The following KIF26B variants were observed in gnomAD, a reference collection of about 807,000 sequenced individuals.
KIF26B encodes kinesin family member 26B, also known as kinesin-like protein KIF26B.
In KIF26B, 63 loss-of-function variants were observed where a neutral mutation model predicts 151.2. The ratio of observed to expected loss-of-function variants is 0.42; its 90% CI spans 0.34 to 0.51. The LOEUF (loss-of-function observed/expected upper bound fraction) is 0.51. Among genes scored for constraint, KIF26B ranks in the 20% least tolerant of loss-of-function variants. The pLI is 0.07. For missense variants in KIF26B, 2,813 were observed against 2,913.6 expected (o/e 0.97, Z 0.79); for synonymous variants, 1,357 against 1,262.1 (o/e 1.08, Z -1.59).
intron 3 of KIF26B, among the ~76,000 whole-genome samples, chr1:245,381,446 C>A (rs151328750): frequency 2.3e-4 from 35 of 152,270 alleles, no homozygotes; most frequent in African/African-American, 8.2e-4. Context: ...CAGCCCAACA[C>A]GAGTTCGTAA....
intron 2 of KIF26B, among the ~76,000 whole-genome samples, chr1:245,179,412 T>G (rs1399828624): frequency 6.6e-6 from 1 of 152,060 alleles, no homozygotes; most frequent in Non-Finnish European, 1.5e-5. Flanking sequence ...TCACCTGAGG[T>G]CAGGAGTTTG....
chr1:245,424,031 A>T (rs949654556), intron 4 of KIF26B, among the ~76,000 whole-genome samples: 14 of 152,096 alleles, frequency 9.2e-5, no homozygotes, highest in African/African-American at 3.1e-4. Flanking sequence ...TGAAGAGATG[A>T]GTCTCCCTAT....
chr1:245,208,644 C>T (rs552080189), intron 2 of KIF26B, among the ~76,000 whole-genome samples: 1 of 152,312 alleles, frequency 6.6e-6, no homozygotes, highest in Admixed American at 6.5e-5. Context: ...TTTGCCTTTC[C>T]TTTGCTTCTT....
chr1:245,687,340 G>A lies in KIF26B; in HGVS notation c.4357G>A (p.Ala1453Thr). The A allele has an allele frequency of 6.3e-7, 1 of 1,596,794 alleles. No homozygotes were observed. The highest frequency in any genetic ancestry group is 8.5e-7 in the Non-Finnish European group (1 of 1,172,224). ...AGAAGAGGAAGTGAAAAAAGAGACG[G>A]CTCATCCCAATGAAGAAGGGATGAT... is the stretch of plus-strand genomic sequence containing the variant. ...KREEEVKKETAHPNEEGMMRC... is the reference protein window; with the variant it reads ...KREEEVKKETTHPNEEGMMRC... Residue 1453 changes from alanine (A) to threonine (T), a missense_variant, in exon 12 of 15, where the codon GCT becomes ACT. By Grantham distance (58) the Ala-to-Thr change is moderately conservative. Around this residue, in one of 3 missense-constraint regions of KIF26B, gnomAD observed 2,060 missense variants for 2,088.6 expected, o/e 0.99. Coordinates refer to ENST00000407071, the MANE Select transcript of KIF26B (RefSeq NM_018012.4). The surrounding 1 kb of genome is among the most constrained non-coding windows in gnomAD (Gnocchi z 4.9).
At chr1:245,388,731 A>C (rs1203762361) in intron 3 of KIF26B, among the ~76,000 whole-genome samples, 2 of 152,028 alleles carry the variant, frequency 1.3e-5, no homozygotes, top group Admixed American at 1.3e-4. Flanking sequence ...TGACCCTTAC[A>C]CTCAATTTGT....
chr1:245,400,996 G>T (rs1405326197), intron 3 of KIF26B, among the ~76,000 whole-genome samples: 1 of 151,934 alleles, frequency 6.6e-6, no homozygotes, highest in Non-Finnish European at 1.5e-5. Context: ...TTTTTTTCTT[G>T]ATTAGGTTTG....
intron 2 of KIF26B, among the ~76,000 whole-genome samples, chr1:245,326,078 C>G (rs1671985769): frequency 1.3e-5 from 2 of 152,156 alleles, no homozygotes; most frequent in African/African-American, 2.4e-5. Context: ...GCAATCATGT[C>G]ACAGTCAAGA....
chr1:245,391,924 C>T (rs1227780643), intron 3 of KIF26B, among the ~76,000 whole-genome samples: 1 of 151,814 alleles, frequency 6.6e-6, no homozygotes, highest in African/African-American at 2.4e-5. Flanking sequence ...GATCAGGAGA[C>T]CCTGGGAAAG....
chr1:245,446,511 C>T (rs1659253777), intron 4 of KIF26B, among the ~76,000 whole-genome samples: 1 of 152,134 alleles, frequency 6.6e-6, no homozygotes, highest in Non-Finnish European at 1.5e-5. Context: ...GACTGCTCTA[C>T]AATAGGCTCA....
chr1:245,665,486 C>G (rs916376651), intron 10 of KIF26B, among the ~76,000 whole-genome samples: 8 of 152,198 alleles, frequency 5.3e-5, no homozygotes, highest in African/African-American at 1.7e-4. Context: ...GAACCGCACA[C>G]TCTACTGATG....
chr1:245,390,832 T>A (rs1219565830), intron 3 of KIF26B, among the ~76,000 whole-genome samples: 1 of 146,212 alleles, frequency 6.8e-6, no homozygotes, highest in Non-Finnish European at 1.5e-5. Context: ...ATGCCTTTAG[T>A]CCAAACCATT....
intron 2 of KIF26B, among the ~76,000 whole-genome samples, chr1:245,186,445 G>T (rs1308978668): frequency 6.6e-6 from 1 of 152,206 alleles, no homozygotes; most frequent in African/African-American, 2.4e-5. Context: ...GCCTTAATAA[G>T]TTACTCCCTG....
At chr1:245,196,298 C>T (rs1029428040) in intron 2 of KIF26B, among the ~76,000 whole-genome samples, 2 of 152,158 alleles carry the variant, frequency 1.3e-5, no homozygotes, top group African/African-American at 4.8e-5. Flanking sequence ...TGTCTCTAAG[C>T]TTCTACCTGG....
intron 12 of KIF26B, among the ~76,000 whole-genome samples, chr1:245,696,024 A>C (rs1407182114): frequency 1.3e-5 from 2 of 152,214 alleles, no homozygotes; most frequent in East Asian, 3.9e-4. Flanking sequence ...CTTATCCAAG[A>C]CATTTTCCCA....
At chr1:245,207,159 C>G (rs766435034) in intron 2 of KIF26B, among the ~76,000 whole-genome samples, 1 of 152,140 alleles carries the variant, frequency 6.6e-6, no homozygotes, top group Non-Finnish European at 1.5e-5. Context: ...GGAATTAAGG[C>G]AGGACTCCCT....
intron 2 of KIF26B, among the ~76,000 whole-genome samples, chr1:245,266,553 C>T (rs6693688): frequency 0.045 from 6,821 of 151,614 alleles, 413 homozygotes; most frequent in African/African-American, 0.14. Flanking sequence ...CTGTCACCCA[C>T]GCGGAGTGCA....
chr1:245,163,740 G>C (rs1668569520), intron 2 of KIF26B, among the ~76,000 whole-genome samples: 1 of 151,806 alleles, frequency 6.6e-6, no homozygotes, highest in South Asian at 2.1e-4. Context: ...CTTTTTCTTA[G>C]GTATTATAGC....
chr1:245,218,273 C>T lies in KIF26B; in HGVS notation c.465+61590C>T, dbSNP rs570811669. 3.3e-5 allele frequency among the ~76,000 whole-genome samples: 5 copies of T among 152,262 alleles called. No individual in the cohort carries two copies. The highest frequency in any genetic ancestry group is 1.2e-4 in the African/African-American group (5 of 41,554). The stretch of plus-strand genomic sequence containing the variant: ...CTTCTCAGTGGGGTGCCTTAGGGTC[C>T]CCTCAGCAGATGGATCCCATCTCCT... On this transcript the variant is annotated intron_variant, in intron 2 of 14. Transcript: ENST00000407071. This position sits in a 1 kb window ranked among gnomAD's most constrained non-coding sequence, Gnocchi z 4.1.
Position 245,227,037 on chromosome 1 carries a change from A to G in KIF26B, c.465+70354A>G, listed in dbSNP as rs1442839221. Among the ~76,000 whole-genome samples the G allele has an allele frequency of 6.6e-6, 1 of 152,190 alleles. No homozygotes were observed. Among genetic ancestry groups the G allele is most frequent in the Non-Finnish European group, 1.5e-5 (1 of 68,040 alleles). On this transcript the variant is annotated intron_variant, in intron 2 of 14. Coordinates refer to ENST00000407071, the MANE Select transcript of KIF26B (RefSeq NM_018012.4). This position sits in a 1 kb window ranked among gnomAD's most constrained non-coding sequence, Gnocchi z 4.1. ...AGGCAGCTTGTTTCGAATGACCCAC[A>G]GGGAATGGTGCACCATTCACTCAGT...
Sources: gnomAD v4.1 joint callset for allele counts (sites outside exome capture counted in the v4.1 genomes callset) on GRCh38, gnomAD v4.1.1 for gene constraint, gnomAD v4.1.1 regional missense constraint, Gnocchi (gnomAD v3.1) non-coding constraint, MANE v1.5 for transcripts, NCBI Gene and HGNC (gene_info 2026-07-23, HGNC 2026-07-21) for gene names.